SCLT1: variants seen among roughly 807,000 people sequenced by gnomAD.
SCLT1 encodes sodium channel and clathrin linker 1.
A neutral mutation model predicts 112.8 loss-of-function variants in SCLT1; 78 were observed. The ratio of observed to expected loss-of-function variants is 0.69; its 90% CI spans 0.58 to 0.83. The LOEUF is 0.83. SCLT1 is among the 40% of genes least tolerant of loss of function. The probability of loss-of-function intolerance (pLI) is 0.00; values close to 1 mark genes in which losing one functional copy is unlikely to be tolerated. For synonymous variants in SCLT1, 257 were observed against 254.7 expected, an observed-to-expected ratio of 1.01 and a Z score of -0.09; for missense variants, 747 against 770.4, an observed-to-expected ratio of 0.97 and a Z score of 0.36.
intron 13 of SCLT1, among the ~76,000 whole-genome samples, chr4:128,953,801 A>T (rs1372037318): frequency 7.0e-6 from 1 of 142,726 alleles, no homozygotes; most frequent in Non-Finnish European, 1.6e-5. Context: ...TCCATCTCAA[A>T]AAAAAAAAAC....
intron 10 of SCLT1, among the ~76,000 whole-genome samples, chr4:128,969,357 G>T (rs1740479752): frequency 6.6e-6 from 1 of 152,044 alleles, no homozygotes; most frequent in Admixed American, 6.5e-5. Context: ...CAGATCACAA[G>T]GTCAGGAAAC....
At chr4:129,009,346 C>G (rs1332534474) in intron 5 of SCLT1, among the ~76,000 whole-genome samples, 1 of 151,550 alleles carries the variant, frequency 6.6e-6, no homozygotes, top group East Asian at 1.9e-4. Flanking sequence ...CCCATCTCTA[C>G]TAAATAAATA....
Position 129,038,575 on chromosome 4 carries a change from CAG to C in SCLT1, c.290+464_290+465del, listed in dbSNP as rs561954095. On this transcript the variant is annotated intron_variant, in intron 5 of 20. Transcript: ENST00000281142. ...AATTCAAGATAGTGTTTATCTCTGG[CAG>C]AGAGAAAGAGAAGGATGGGAAATGG... Among the ~76,000 whole-genome samples, 538 of 152,086 alleles carry C rather than the reference CAG, an allele frequency of 3.5e-3. 2 individuals are homozygous for C. Among genetic ancestry groups the C allele is most frequent in the Non-Finnish European group, 4.5e-3 (304 of 67,998 alleles).
rs756201876 is a variant in SCLT1, at chr4:128,884,463, A to T, written c.*14T>A. 6.5e-7 allele frequency: 1 copy of T among 1,536,644 alleles called. No individual in the cohort carries two copies. Reference sequence around the variant, plus strand: ...TCCCAACTCTAAAGTTCTGTGAGTGAACTATGAATATTTTTAAATATTTTC... The same window carrying T: ...TCCCAACTCTAAAGTTCTGTGAGTGTACTATGAATATTTTTAAATATTTTC... On this transcript the variant is annotated 3_prime_UTR_variant, in exon 21 of 21. Coordinates refer to ENST00000281142, the MANE Select transcript of SCLT1 (RefSeq NM_144643.4).
At chr4:129,002,935 T>A (rs186923856) in intron 6 of SCLT1, among the ~76,000 whole-genome samples, 132 of 152,316 alleles carry the variant, frequency 8.7e-4, no homozygotes, top group African/African-American at 3.1e-3. Flanking sequence ...CATTACTGGG[T>A]ATATACCCAA....
At chr4:129,061,376 TATGAG>T (rs977222876) in intron 2 of SCLT1, among the ~76,000 whole-genome samples, 2 of 151,998 alleles carry the variant, frequency 1.3e-5, no homozygotes, top group Non-Finnish European at 2.9e-5. Context: ...GGAAGCAGGG[TATGAG>T]ATGTCTGGCC....
intron 2 of SCLT1, among the ~76,000 whole-genome samples, chr4:129,046,935 C>T (rs1157214640): frequency 2.0e-5 from 3 of 152,038 alleles, no homozygotes; most frequent in African/African-American, 7.2e-5. Context: ...TCTACAGTTA[C>T]AAAGCATTTT....
At chr4:128,893,743 A>G (rs1383763535) in intron 18 of SCLT1, among the ~76,000 whole-genome samples, 2 of 152,112 alleles carry the variant, frequency 1.3e-5, no homozygotes, top group African/African-American at 2.4e-5. Context: ...AGGTTTCACC[A>G]TATTAGCCAG....
chr4:129,043,461 TAAA>T lies in SCLT1; in HGVS notation c.165_167del (p.Phe55del), dbSNP rs1465635090. 5 of 1,470,418 alleles carry T rather than the reference TAAA, an allele frequency of 3.4e-6. No homozygotes were observed. The Admixed American group carries it at 5.8e-5, about 17-fold the overall frequency. The allele number at this position is 1,470,418 out of a possible 1,614,324, so 91.1% of individuals were successfully genotyped here. A position where few individuals can be genotyped will look rare whatever the true frequency, so the allele number is the denominator to read the frequency against. On this transcript the variant is annotated inframe_deletion, in exon 4 of 21. Coordinates refer to ENST00000281142, the MANE Select transcript of SCLT1 (RefSeq NM_144643.4). ...TATCATACTCAGTAACAAGAGGAGC[TAAA>T]AAGCTAAAAAAAGACAATAAAAATA... is the stretch of plus-strand genomic sequence containing the variant.
At chr4:129,019,855 C>T (rs1243179897) in intron 5 of SCLT1, among the ~76,000 whole-genome samples, 2 of 151,314 alleles carry the variant, frequency 1.3e-5, no homozygotes, top group African/African-American at 4.8e-5. Context: ...TTTTATGCTC[C>T]TCCAATTAAT....
chr4:128,969,913 C>T (rs1320100315), intron 10 of SCLT1, among the ~76,000 whole-genome samples: 1 of 151,972 alleles, frequency 6.6e-6, no homozygotes, highest in African/African-American at 2.4e-5. Context: ...CTAATAAGTC[C>T]CAGAGTGAGA....
intron 4 of SCLT1, among the ~76,000 whole-genome samples, chr4:128,876,051 C>G (rs1027278907): frequency 6.6e-6 from 1 of 152,070 alleles, no homozygotes; most frequent in African/African-American, 2.4e-5. Context: ...TTTTGTACAT[C>G]CACTACATGC....
chr4:129,003,424 A>C (rs1307174581), intron 6 of SCLT1, among the ~76,000 whole-genome samples: 1 of 150,946 alleles, frequency 6.6e-6, no homozygotes, highest in African/African-American at 2.4e-5. Context: ...CTAGAACTTA[A>C]AGTATAATTA....
intron 20 of SCLT1, among the ~76,000 whole-genome samples, chr4:128,886,986 A>G (rs1732941245): frequency 6.6e-6 from 1 of 152,216 alleles, no homozygotes. Context: ...ATATCTGTCT[A>G]AATATCTACT....
intron 18 of SCLT1, among the ~76,000 whole-genome samples, chr4:128,919,707 A>C (rs1735734345): frequency 6.6e-6 from 1 of 151,286 alleles, no homozygotes; most frequent in Non-Finnish European, 1.5e-5. Flanking sequence ...CATAATGACA[A>C]GGGGATATTA....
At chr4:128,948,248 C>T (rs1292265891) in intron 15 of SCLT1, among the ~76,000 whole-genome samples, 2 of 143,810 alleles carry the variant, frequency 1.4e-5, no homozygotes, top group Admixed American at 7.2e-5. Flanking sequence ...AGGCAGGAGA[C>T]TTGCCTGAAC....
intron 8 of SCLT1, among the ~76,000 whole-genome samples, chr4:128,997,542 T>C (rs1396789074): frequency 6.6e-6 from 1 of 151,838 alleles, no homozygotes; most frequent in African/African-American, 2.4e-5. Context: ...ACAATTACAC[T>C]ATTCTTATTA....
chr4:128,886,598 G>T (rs1182934934), intron 20 of SCLT1, among the ~76,000 whole-genome samples: 1 of 152,152 alleles, frequency 6.6e-6, no homozygotes, highest in Non-Finnish European at 1.5e-5. Flanking sequence ...GAAAAGTGCT[G>T]AATAATTACC....
At chr4:129,018,615 A>G (rs1406756514) in intron 5 of SCLT1, among the ~76,000 whole-genome samples, 11 of 152,234 alleles carry the variant, frequency 7.2e-5, no homozygotes, top group Non-Finnish European at 4.4e-5. Context: ...AATGAGTTAA[A>G]CATATATAGT....
Sources: allele counts gnomAD v4.1 joint callset (sites outside exome capture counted in the v4.1 genomes callset), GRCh38; gene constraint gnomAD v4.1.1; transcripts MANE v1.5; gene names NCBI Gene and HGNC (gene_info 2026-07-23, HGNC 2026-07-21).